The following SGCD variants were observed in gnomAD, a reference collection of about 807,000 sequenced individuals.
SGCD encodes sarcoglycan delta.
SGCD carries 18 observed loss-of-function variants against 36.6 expected under a neutral mutation model. The ratio of observed to expected loss-of-function variants is 0.49; its 90% confidence interval spans 0.34 to 0.73. The LOEUF (loss-of-function observed/expected upper bound fraction) is 0.73. Among genes scored for constraint, SGCD ranks in the 30% least tolerant of loss-of-function variants. SGCD has a pLI of 0.01. For missense variants in SGCD, 387 were observed against 346.7 expected, an observed-to-expected ratio of 1.12 and a Z score of -0.92; for synonymous variants, 133 against 130.6, an observed-to-expected ratio of 1.02 and a Z score of -0.12.
intron 1 of SGCD, among the ~76,000 whole-genome samples, chr5:155,973,685 G>T (rs1045182936): frequency 2.6e-5 from 4 of 152,090 alleles, no homozygotes; most frequent in Non-Finnish European, 5.9e-5. Flanking sequence ...CAACTATCAG[G>T]GTAGACTTTG....
At chr5:156,594,836 A>G (rs1760859925) in intron 5 of SGCD, 96 bp from the exon 6 acceptor site, 3 of 804,290 alleles carry the variant, frequency 3.7e-6, no homozygotes, top group Admixed American at 2.3e-5. Context: ...TGTTCTATGA[A>G]AAGCTTTTTG....
chr5:155,919,868 A>G (rs1756833120), intron 1 of SGCD, among the ~76,000 whole-genome samples: 3 of 152,206 alleles, frequency 2.0e-5, no homozygotes, highest in Non-Finnish European at 4.4e-5. Flanking sequence ...ACTGGAAAAC[A>G]GAAAGACCCC....
chr5:155,803,323 C>T, the SGCD span, among the ~76,000 whole-genome samples: 1 of 152,170 alleles, frequency 6.6e-6, no homozygotes. Flanking sequence ...ATGCCGGAGT[C>T]ATCAGACAGG....
intron 6 of SGCD, among the ~76,000 whole-genome samples, chr5:156,621,176 C>G (rs1404190177): frequency 1.3e-5 from 2 of 152,124 alleles, no homozygotes; most frequent in African/African-American, 4.8e-5. Context: ...GGATCCACAG[C>G]TAAGCAAGAA....
At chr5:156,126,034 C>A (rs190334379) in intron 3 of SGCD, among the ~76,000 whole-genome samples, 1 of 151,720 alleles carries the variant, frequency 6.6e-6, no homozygotes. Context: ...CCTGCCACCA[C>A]GCCTGGCTAA....
chr5:156,259,728 G>A (rs1052368020), intron 3 of SGCD, among the ~76,000 whole-genome samples: 2 of 152,184 alleles, frequency 1.3e-5, no homozygotes, highest in East Asian at 3.9e-4. Flanking sequence ...TGGCGGTGGG[G>A]CCCTTGGGAG....
At chr5:155,907,662 A>G (rs1426790777) in intron 1 of SGCD, among the ~76,000 whole-genome samples, 1 of 152,150 alleles carries the variant, frequency 6.6e-6, no homozygotes, top group Non-Finnish European at 1.5e-5. Flanking sequence ...CTGAATTACT[A>G]CAGTCTCATG....
intron 1 of SGCD, among the ~76,000 whole-genome samples, chr5:156,048,573 C>T (rs1189188646): frequency 6.6e-6 from 1 of 152,132 alleles, no homozygotes; most frequent in African/African-American, 2.4e-5. Context: ...CTCTGATGGC[C>T]AGTGATGATG....
intron 3 of SGCD, among the ~76,000 whole-genome samples, chr5:156,357,628 T>G (rs555784902): frequency 6.6e-6 from 1 of 152,330 alleles, no homozygotes; most frequent in Admixed American, 6.5e-5. Context: ...GAATCATAAT[T>G]TTGTTGCTTT....
rs756526664 is a variant in SGCD at position 156,126,321 on chromosome 5, C to A, written c.-44+2302C>A. On this transcript the variant is annotated intron_variant, in intron 3 of 9. Transcript: ENST00000517913. ...GCTTTGAGAGTATCGAACTTTAATT[C>A]AGAATGTCTGTTCTGTCAAGAATAT... is the stretch of plus-strand genomic sequence containing the variant. 3.1e-4 allele frequency among the ~76,000 whole-genome samples: 47 copies of A among 152,114 alleles called. 1 individual carries two copies. The highest frequency in any genetic ancestry group is 4.4e-5 in the Non-Finnish European group (3 of 68,024).
chr5:156,168,337 C>G (rs542859319), intron 3 of SGCD, among the ~76,000 whole-genome samples: 17 of 151,476 alleles, frequency 1.1e-4, no homozygotes, highest in Non-Finnish European at 7.4e-5. Context: ...TGTGTCACCA[C>G]TATTTTACCA....
At chr5:156,629,492 A>T (rs538351260) in intron 6 of SGCD, among the ~76,000 whole-genome samples, 1 of 152,248 alleles carries the variant, frequency 6.6e-6, no homozygotes, top group Non-Finnish European at 1.5e-5. Flanking sequence ...AGAACATGTC[A>T]TCAGATGTAA....
intron 6 of SGCD, among the ~76,000 whole-genome samples, chr5:156,642,576 C>G (rs1365008340): frequency 6.9e-6 from 1 of 145,636 alleles, no homozygotes; most frequent in Admixed American, 7.0e-5. Flanking sequence ...TCAAGCAATT[C>G]TCCTGCCTCA....
the SGCD span, among the ~76,000 whole-genome samples, chr5:155,795,568 TATTA>T: frequency 6.6e-6 from 1 of 152,182 alleles, no homozygotes; most frequent in Non-Finnish European, 1.5e-5. Context: ...GAAAACATTT[TATTA>T]ATCTAAAAGA....
chr5:156,075,192 C>CA (rs111372223), intron 1 of SGCD, among the ~76,000 whole-genome samples: 3,506 of 147,300 alleles, frequency 0.024, 97 homozygotes, highest in African/African-American at 0.064. Context: ...GTCAAATTTA[C>CA]AAAAAAAAAA....
At chr5:156,015,573 G>T (rs1004817570) in intron 1 of SGCD, among the ~76,000 whole-genome samples, 3 of 151,784 alleles carry the variant, frequency 2.0e-5, no homozygotes, top group Non-Finnish European at 4.4e-5. Context: ...TTACCAGACA[G>T]AAAAAGGGTG....
intron 3 of SGCD, among the ~76,000 whole-genome samples, chr5:156,470,967 T>TC (rs1339760263): frequency 9.0e-5 from 13 of 144,532 alleles, no homozygotes; most frequent in African/African-American, 3.0e-4. Context: ...CTAAGCCTTC[T>TC]TTTTTTTTGA....
intron 1 of SGCD, among the ~76,000 whole-genome samples, chr5:156,328,208 T>A (rs1441844543): frequency 6.6e-6 from 1 of 152,258 alleles, no homozygotes; most frequent in Non-Finnish European, 1.5e-5. Flanking sequence ...CTATACCTTG[T>A]TTTATGTACA....
chr5:156,083,917 G>A (rs947720428), intron 1 of SGCD, among the ~76,000 whole-genome samples: 7 of 151,954 alleles, frequency 4.6e-5, no homozygotes, highest in Non-Finnish European at 1.0e-4. Flanking sequence ...GTGTATTTGT[G>A]TGGATCTATT....
Sources: allele counts gnomAD v4.1 joint callset (sites outside exome capture counted in the v4.1 genomes callset), GRCh38; gene constraint gnomAD v4.1.1; transcripts MANE v1.5; gene names NCBI Gene and HGNC (gene_info 2026-07-23, HGNC 2026-07-21).